Variants in CLTA observed in about 807,000 individuals in gnomAD.
CLTA encodes the protein clathrin, light polypeptide (Lca).
In CLTA, 9 loss-of-function variants were observed where a neutral mutation model predicts 26.9. The ratio of observed to expected loss-of-function variants is 0.33; its 90% confidence interval spans 0.20 to 0.58. The LOEUF (loss-of-function observed/expected upper bound fraction) is 0.58, where lower values mean the gene tolerates loss of function less well. Among genes scored for constraint, CLTA ranks in the 20% least tolerant of loss-of-function variants. CLTA has a pLI of 0.85. For synonymous variants in CLTA, 120 were observed against 115.5 expected (o/e 1.04, Z -0.25); for missense variants, 278 against 294.2 (o/e 0.94, Z 0.40).
In CLTA at chr9:36,191,007, C is replaced by T. The variant is rs2274523; in HGVS notation, c.-50C>T. On this transcript the variant is annotated 5_prime_UTR_variant, in exon 1 of 5. Coordinates refer to ENST00000345519, the MANE Select transcript of CLTA (RefSeq NM_001833.4). ...GCTGCCGGGCGTGGTGTCGGTGGGT[C>T]GGTTGGTTTTTGTCTCACCGTTGGT... 0.07 allele frequency: 103,820 copies of T among 1,473,978 alleles called. 4,961 individuals carry two copies. Among genetic ancestry groups the T allele is most frequent in the South Asian group, 0.16 (11,565 of 72,048 alleles). 91.3% of individuals were successfully genotyped at this position (1,473,978 alleles called of 1,614,324 possible).
intron 1 of CLTA, among the ~76,000 whole-genome samples, chr9:36,193,332 T>C (rs63223962): frequency 6.0e-5 from 9 of 149,126 alleles, no homozygotes; most frequent in South Asian, 4.3e-4. Flanking sequence ...TTTTTTTTTT[T>C]AAAGATATGC....
intron 4 of CLTA, among the ~76,000 whole-genome samples, chr9:36,206,127 G>T (rs956639429): frequency 2.6e-5 from 4 of 152,112 alleles, no homozygotes; most frequent in Admixed American, 1.3e-4. Flanking sequence ...TTGGGCCTTG[G>T]TACCTTTCTG....
intron 3 of CLTA, among the ~76,000 whole-genome samples, chr9:36,203,772 C>T (rs1459748737): frequency 6.6e-6 from 1 of 152,162 alleles, no homozygotes; most frequent in Non-Finnish European, 1.5e-5. Flanking sequence ...CTCTTTTGCT[C>T]TGCCCAAAAC....
chr9:36,191,019 G>A lies in CLTA; in HGVS notation c.-38G>A, dbSNP rs1826662802. On this transcript the variant is annotated 5_prime_UTR_variant, in exon 1 of 5. Coordinates refer to ENST00000345519, the MANE Select transcript of CLTA (RefSeq NM_001833.4). The stretch of plus-strand genomic sequence containing the variant: ...GGTGTCGGTGGGTCGGTTGGTTTTT[G>A]TCTCACCGTTGGTGTCCGTGCCGTT... 1 of 1,486,762 alleles carries A rather than the reference G, an allele frequency of 6.7e-7. No homozygotes were observed. Among genetic ancestry groups the A allele is most frequent in the African/African-American group, 1.5e-5 (1 of 68,694 alleles). 92.1% of individuals were successfully genotyped at this position (1,486,762 alleles called of 1,614,324 possible). A position where few individuals can be genotyped will look rare whatever the true frequency, so the allele number is the denominator to read the frequency against.
intron 2 of CLTA, 54 bp from the exon 3 acceptor site, chr9:36,198,925 A>G (rs1827234075): frequency 8.2e-7 from 1 of 1,224,194 alleles, no homozygotes; most frequent in Non-Finnish European, 1.2e-6. Flanking sequence ...GGTGAAGTGC[A>G]TTTTAGGAAG....
intron 1 of CLTA, among the ~76,000 whole-genome samples, chr9:36,196,408 G>A (rs933041784): frequency 6.8e-6 from 1 of 147,320 alleles, no homozygotes; most frequent in East Asian, 2.0e-4. Context: ...GTGCAGTGGC[G>A]CGATCTTGGC....
At chr9:36,193,541 T>TA (rs35759065) in intron 1 of CLTA, among the ~76,000 whole-genome samples, 1 of 152,158 alleles carries the variant, frequency 6.6e-6, no homozygotes, top group South Asian at 2.1e-4. Context: ...TACAGTTATA[T>TA]TAAGTATCTA....
At chr9:36,209,163 G>A in intron 4 of CLTA, 1 of 1,415,480 alleles carries the variant, frequency 7.1e-7, no homozygotes, top group Non-Finnish European at 9.9e-7. Context: ...CAGCTCCTCA[G>A]AGCACAGTTG....
chr9:36,200,616 G>A (rs1035355682), intron 3 of CLTA, among the ~76,000 whole-genome samples: 3 of 152,136 alleles, frequency 2.0e-5, no homozygotes, highest in African/African-American at 7.2e-5. Flanking sequence ...AATTTAGGTG[G>A]CTTTCAGAAC....
intron 2 of CLTA, 93 bp downstream of exon 2, chr9:36,197,681 C>A: frequency 1.1e-6 from 1 of 925,430 alleles, no homozygotes; most frequent in Non-Finnish European, 1.7e-6. Flanking sequence ...AACCCCAGTC[C>A]TTTGACTTTC....
At chr9:36,196,627 G>T (rs1827061277) in intron 1 of CLTA, among the ~76,000 whole-genome samples, 1 of 152,020 alleles carries the variant, frequency 6.6e-6, no homozygotes, top group Non-Finnish European at 1.5e-5. Flanking sequence ...GGGATTATAG[G>T]TGTGAGCCAC....
chr9:36,193,821 A>G (rs889381754), intron 1 of CLTA, among the ~76,000 whole-genome samples: 2 of 152,182 alleles, frequency 1.3e-5, no homozygotes, highest in African/African-American at 4.8e-5. Context: ...AGATCCAGAA[A>G]AGAGACGTAG....
chr9:36,195,453 G>A (rs557474516), intron 1 of CLTA, among the ~76,000 whole-genome samples: 14 of 151,854 alleles, frequency 9.2e-5, no homozygotes, highest in Non-Finnish European at 1.8e-4. Context: ...ATCAGGTGTC[G>A]GGTATGTGAT....
At chr9:36,196,133 A>G (rs951258318) in intron 1 of CLTA, among the ~76,000 whole-genome samples, 2 of 151,696 alleles carry the variant, frequency 1.3e-5, no homozygotes, top group Admixed American at 6.6e-5. Context: ...AAAAAAAATT[A>G]GGTGGGCATG....
At chr9:36,204,595 G>C (rs537567879) in intron 4 of CLTA, among the ~76,000 whole-genome samples, 6 of 152,262 alleles carry the variant, frequency 3.9e-5, no homozygotes, top group Admixed American at 2.6e-4. Context: ...GAAGGGGTCC[G>C]TTGGCAGGAA....
At chr9:36,208,343 GA>G (rs1315598065) in intron 4 of CLTA, among the ~76,000 whole-genome samples, 1 of 152,184 alleles carries the variant, frequency 6.6e-6, no homozygotes, top group East Asian at 1.9e-4. Flanking sequence ...TCCTGTCTGA[GA>G]GCCCTGCCAT....
intron 4 of CLTA, chr9:36,210,508 C>A: frequency 6.5e-7 from 1 of 1,543,574 alleles, no homozygotes; most frequent in South Asian, 1.2e-5. Context: ...CGTCCCCAAG[C>A]ACAGATAGAG....
chr9:36,198,554 G>A (rs1414925044), intron 2 of CLTA, among the ~76,000 whole-genome samples: 1 of 151,844 alleles, frequency 6.6e-6, no homozygotes, highest in Non-Finnish European at 1.5e-5. Flanking sequence ...GCATGTGCCT[G>A]TAATCCCAGC....
At chr9:36,193,472 T>C (rs1826853388) in intron 1 of CLTA, among the ~76,000 whole-genome samples, 2 of 152,198 alleles carry the variant, frequency 1.3e-5, no homozygotes, top group African/African-American at 4.8e-5. Flanking sequence ...TTGCATAATA[T>C]AATTTATAAT....
Sources: gnomAD v4.1 joint callset for allele counts (sites outside exome capture counted in the v4.1 genomes callset) on GRCh38, gnomAD v4.1.1 for gene constraint, MANE v1.5 for transcripts, NCBI Gene and HGNC (gene_info 2026-07-23, HGNC 2026-07-21) for gene names.